SCRIB: variants seen among roughly 807,000 people sequenced by gnomAD.
SCRIB encodes the protein protein scribble homolog.
In SCRIB, 72 loss-of-function variants were observed where a neutral mutation model predicts 170.0. The ratio of observed to expected loss-of-function variants is 0.42; its 90% CI spans 0.35 to 0.52. The LOEUF (loss-of-function observed/expected upper bound fraction) is 0.52, where lower values mean the gene tolerates loss of function less well. Ranked by LOEUF, SCRIB falls within the 20% of genes least tolerant of loss-of-function variation. The probability of loss-of-function intolerance (pLI) is 0.02; values close to 1 mark genes in which losing one functional copy is unlikely to be tolerated. For missense variants in SCRIB, 2,475 were observed against 2,338.5 expected (o/e 1.06, Z -1.20); for synonymous variants, 1,298 against 1,044.3 (o/e 1.24, Z -4.68).
At position 143,811,174 on chromosome 8, in the gene SCRIB, G is replaced by A. The variant is rs1414928993; in HGVS notation, c.1078C>T (p.Leu360=). The change falls in exon 10 of 37, where the codon CTG becomes TTG. Residue 360 remains leucine, a synonymous_variant. Coordinates refer to ENST00000356994, the MANE Select transcript of SCRIB (RefSeq NM_182706.5). Reference sequence around the variant, plus strand: ...TTCCCCGCCACGTCCAGCACGTGCAGCTCTGTCGTGTGGGCCAGCTCTGGT... The same window carrying A: ...TTCCCCGCCACGTCCAGCACGTGCAACTCTGTCGTGTGGGCCAGCTCTGGT... ...LPPELAHTTE[L]HVLDVAGNRL... is the part of the protein sequence containing the mutation. 2.5e-6 allele frequency: 4 copies of A among 1,610,102 alleles called. No individual in the cohort carries two copies. The highest frequency in any genetic ancestry group is 2.2e-5 in the East Asian group (1 of 44,732).
At position 143,812,436 on chromosome 8, in the gene SCRIB, C is replaced by G. The variant is rs371814915; in HGVS notation, c.788-52G>C. The G allele has an allele frequency of 3.3e-4, 456 of 1,382,648 alleles. 2 individuals carry two copies. The African/African-American group carries it at 5.7e-3, about 17-fold the overall frequency. The allele number at this position is 1,382,648 out of a possible 1,614,324, so 85.6% of individuals were successfully genotyped here. ...GGCTGAGCATGGTCCCCAGACGTGC[C>G]TTACCCACCTGGCCAGAAGCGCCCT... is the stretch of plus-strand genomic sequence containing the variant. On this transcript the variant is annotated intron_variant, in intron 8 of 36. Transcript: ENST00000356994.
chr8:143,808,525 C>A (rs1021212655), intron 15 of SCRIB, 84 bp downstream of exon 15: 3 of 1,469,496 alleles, frequency 2.0e-6, no homozygotes, highest in East Asian at 4.9e-5. Flanking sequence ...GTGGGTCAGG[C>A]CTCGGCCCTG....
chr8:143,810,344 GA>G (rs1160934817), intron 13 of SCRIB, 134 bp downstream of exon 13: 1 of 1,334,726 alleles, frequency 7.5e-7, no homozygotes, highest in African/African-American at 1.4e-5. Context: ...CCATGTCCCT[GA>G]AACCTGTCAC....
chr8:143,806,304 T>C, intron 18 of SCRIB, 103 bp downstream of exon 18: 1 of 905,730 alleles, frequency 1.1e-6, no homozygotes, highest in Non-Finnish European at 1.8e-6. Flanking sequence ...TGCTTGGAAC[T>C]CTTGGGGAGG....
At chr8:143,798,227 G>A (rs1181457919) in intron 24 of SCRIB, among the ~76,000 whole-genome samples, 2 of 152,018 alleles carry the variant, frequency 1.3e-5, no homozygotes, top group African/African-American at 4.8e-5. Context: ...CTGCACTTCA[G>A]CTTGGGAAAC....
chr8:143,814,268 AT>A lies in SCRIB; in HGVS notation c.160-151del, dbSNP rs527896604. On this transcript the variant is annotated intron_variant, in intron 1 of 36. Transcript: ENST00000356994. ...TCCTGGGGTCTAACCACGACACCCC[AT>A]TTGCAAAAAAAGGAAAGAAACACAC... is the stretch of plus-strand genomic sequence containing the variant. 8.7e-5 allele frequency: 56 copies of A among 643,600 alleles called. No individual in the cohort carries two copies. In the African/African-American group the frequency reaches 1.0e-3, roughly 12 times the overall value. The allele number at this position is 643,600 out of a possible 1,614,324, so 39.9% of individuals were successfully genotyped here. A position where few individuals can be genotyped will look rare whatever the true frequency, so the allele number is the denominator to read the frequency against.
chr8:143,806,592 C>T, intron 17 of SCRIB, 108 bp from the exon 18 acceptor site: 2 of 901,370 alleles, frequency 2.2e-6, no homozygotes, highest in Non-Finnish European at 3.5e-6. Flanking sequence ...AGCCCCTAGC[C>T]CTGGCCAGCA....
At chr8:143,806,277 G>C (rs897992863) in intron 18 of SCRIB, 130 bp downstream of exon 18, 7 of 711,824 alleles carry the variant, frequency 9.8e-6, no homozygotes, top group African/African-American at 7.1e-5. Context: ...GCTTCACCCG[G>C]AAGTCTGGGT....
chr8:143,804,103 G>A lies in SCRIB; in HGVS notation c.3063C>T (p.Gly1021=), dbSNP rs1381957158. ...GGPLGLSIVG[G]SDHSSHPFGV... ...CAAACGGGTGGCTGGAATGGTCGGA[G>A]CCTCCGACAATACTAAGCCCCAGAG... Residue 1021 remains glycine, a synonymous_variant, in exon 22 of 37, where the codon GGC becomes GGT. Transcript: ENST00000356994. The A allele has an allele frequency of 1.2e-6, 2 of 1,612,834 alleles. No homozygotes were observed. Among genetic ancestry groups the A allele is most frequent in the East Asian group, 4.5e-5 (2 of 44,876 alleles).
chr8:143,793,451 C>T, intron 28 of SCRIB: 1 of 299,142 alleles, frequency 3.3e-6, no homozygotes, highest in Non-Finnish European at 6.2e-6. Flanking sequence ...GAGAGACCGA[C>T]CAACCTGGGT....
chr8:143,809,561 T>A lies in SCRIB; in HGVS notation c.1688A>T (p.Asp563Val), dbSNP rs149964575. The A allele has an allele frequency of 1.9e-6, 3 of 1,610,806 alleles. No homozygotes were observed. In the African/African-American group the frequency reaches 4.0e-5, roughly 22 times the overall value. The change falls in exon 14 of 37, where the codon GAC (aspartate) becomes GTC (valine). Residue 563 changes from aspartate to valine, a missense_variant. By Grantham distance (152) the Asp-to-Val change is radical. Around this residue, in one of 3 missense-constraint regions of SCRIB, gnomAD observed 1,966 missense variants for 1,742.9 expected, o/e 1.13. Transcript: ENST00000356994. The stretch of plus-strand genomic sequence containing the variant: ...CCTGCCAATCCACACCTCCTGGTAG[T>A]CCTCTTCGGCGTCTTCCTCCCCGCC... ...TAGGEEDAEEDYQEPTVHFAE... is the reference protein window; with the variant it reads ...TAGGEEDAEEVYQEPTVHFAE...
chr8:143,791,059 G>C lies in SCRIB; in HGVS notation c.*104C>G, dbSNP rs944581736. Reference sequence around the variant, plus strand: ...TTAGTCACAGGCCAGAACTCCTGTGGGGTCTCTTTAAAATGCTAACACCCA... The same window carrying C: ...TTAGTCACAGGCCAGAACTCCTGTGCGGTCTCTTTAAAATGCTAACACCCA... On this transcript the variant is annotated 3_prime_UTR_variant, in exon 37 of 37. Transcript: ENST00000356994. The C allele has an allele frequency of 2.4e-6, 3 of 1,235,106 alleles. No homozygotes were observed. Among genetic ancestry groups the C allele is most frequent in the Non-Finnish European group, 3.1e-6 (3 of 964,314 alleles). The allele number at this position is 1,235,106 out of a possible 1,614,324, so 76.5% of individuals were successfully genotyped here.
chr8:143,813,587 C>T (rs759504350), intron 4 of SCRIB, 50 bp downstream of exon 4: 2 of 1,611,916 alleles, frequency 1.2e-6, no homozygotes, highest in East Asian at 2.2e-5. Flanking sequence ...AGGGGCAGGG[C>T]CAATCCTGGT....
In SCRIB at chr8:143,803,930, C is replaced by G. The variant is rs782787420; in HGVS notation, c.3131G>C (p.Arg1044Pro). The G allele has an allele frequency of 6.3e-7, 1 of 1,580,956 alleles. No homozygotes were observed. The highest frequency in any genetic ancestry group is 8.6e-7 in the Non-Finnish European group (1 of 1,162,148). ...CAGGCCGCTGCGAGCGGCCAGGCCC[C>G]GCGGGAGCACCTGTCAGGGAGGAGG... ...PGVFISKVLP[R>P]GLAARSGLRV... Residue 1044 changes from arginine to proline, a missense_variant, in exon 23 of 37, where the codon CGG becomes CCG. This residue lies in a region of SCRIB where 1,966 missense variants were observed against 1,742.9 expected (regional missense o/e 1.13). Transcript: ENST00000356994.
At chr8:143,794,791 C>A (rs1471105538) in intron 27 of SCRIB, among the ~76,000 whole-genome samples, 2 of 152,124 alleles carry the variant, frequency 1.3e-5, no homozygotes, top group African/African-American at 4.8e-5. Flanking sequence ...TAGAGGGATG[C>A]CTCGGCCTGT....
At chr8:143,804,909 G>A in intron 20 of SCRIB, 25 bp downstream of exon 20, 3 of 876,992 alleles carry the variant, frequency 3.4e-6, no homozygotes, top group Non-Finnish European at 4.9e-6. Context: ...ATGGGTGGGT[G>A]GGGCGGGGCC....
chr8:143,795,962 G>A (rs1814925848), intron 24 of SCRIB, among the ~76,000 whole-genome samples: 1 of 152,144 alleles, frequency 6.6e-6, no homozygotes, highest in South Asian at 2.1e-4. Flanking sequence ...CAGTGTGAGT[G>A]CTGGGCAGGG....
At chr8:143,809,491 AG>A in intron 14 of SCRIB, 59 bp downstream of exon 14, 1 of 1,546,850 alleles carries the variant, frequency 6.5e-7, no homozygotes. Context: ...GAGGCCCCGC[AG>A]GGGAGGCAGC....
At position 143,803,376 on chromosome 8, in the gene SCRIB, C is replaced by G; in HGVS notation, c.3603+7G>C. The G allele has an allele frequency of 6.4e-7, 1 of 1,556,932 alleles. No individual in the cohort carries two copies. Among genetic ancestry groups the G allele is most frequent in the Non-Finnish European group, 8.7e-7 (1 of 1,151,742 alleles). On this transcript the variant is annotated splice_region_variant and intron_variant, in intron 24 of 36. Coordinates refer to ENST00000356994, the MANE Select transcript of SCRIB (RefSeq NM_182706.5). ...GGAGGCCCGGTCCCCGGGGCGGGAT[C>G]GCTAACCTCCAGGGCTGCGTCGGTG...
Sources: allele counts gnomAD v4.1 joint callset (sites outside exome capture counted in the v4.1 genomes callset), GRCh38; gene constraint gnomAD v4.1.1; regional missense constraint gnomAD v4.1.1; transcripts MANE v1.5; gene names NCBI Gene and HGNC (gene_info 2026-07-23, HGNC 2026-07-21).